Variants in ABCD2 observed in about 807,000 individuals in gnomAD.
ABCD2 encodes the protein ATP binding cassette subfamily D member 2, also known as ATP-binding cassette sub-family D member 2.
In ABCD2, 36 loss-of-function variants were observed where a neutral mutation model predicts 70.9. The observed-to-expected ratio is 0.51, with a 90% CI of 0.39 to 0.67. The LOEUF (loss-of-function observed/expected upper bound fraction) is 0.67, where lower values mean the gene tolerates loss of function less well. Among genes scored for constraint, ABCD2 ranks in the 30% least tolerant of loss-of-function variants. The probability of loss-of-function intolerance (pLI) is 0.00; values close to 1 mark genes in which losing one functional copy is unlikely to be tolerated. For missense variants in ABCD2, 729 were observed against 890.2 expected, an observed-to-expected ratio of 0.82 and a Z score of 2.30; for synonymous variants, 304 against 306.9, an observed-to-expected ratio of 0.99 and a Z score of 0.10.
the ABCD2 span, among the ~76,000 whole-genome samples, chr12:39,531,631 T>C: frequency 6.6e-5 from 10 of 152,276 alleles, no homozygotes; most frequent in South Asian, 2.1e-3. Context: ...ATAAAGAAAA[T>C]TTTATGTACA....
intron 5 of ABCD2, among the ~76,000 whole-genome samples, chr12:39,603,461 T>C (rs1288021549): frequency 2.0e-5 from 3 of 152,074 alleles, no homozygotes; most frequent in Non-Finnish European, 4.4e-5. Context: ...TTCTGATTAT[T>C]TTATAATAGT....
rs530636090 is a variant in ABCD2 at position 39,599,301 on chromosome 12, A to C, written c.1646+1270T>G. The stretch of plus-strand genomic sequence containing the variant: ...GATTTTACTTGCATCAAGAGAATAG[A>C]ATTCTATAATAGAAAATTTTCTTCA... On this transcript the variant is annotated intron_variant, in intron 6 of 9. Coordinates refer to ENST00000308666, the MANE Select transcript of ABCD2 (RefSeq NM_005164.4). 3.3e-5 allele frequency among the ~76,000 whole-genome samples: 5 copies of C among 152,326 alleles called. No individual in the cohort carries two copies. The South Asian group carries it at 1.0e-3, about 32-fold the overall frequency.
chr12:39,616,816 A>G (rs1453614571), intron 2 of ABCD2, among the ~76,000 whole-genome samples, 172 bp downstream of exon 2: 1 of 152,044 alleles, frequency 6.6e-6, no homozygotes, highest in Non-Finnish European at 1.5e-5. Flanking sequence ...CTGTCTCCTT[A>G]TTTCATACTG....
In ABCD2 at chr12:39,553,759, G is replaced by T; in HGVS notation, c.*153C>A. The T allele has an allele frequency of 1.6e-6, 1 of 613,818 alleles. No homozygotes were observed. The highest frequency in any genetic ancestry group is 2.8e-6 in the Non-Finnish European group (1 of 357,614). The allele number at this position is 613,818 out of a possible 1,614,324, so 38.0% of individuals were successfully genotyped here. On this transcript the variant is annotated 3_prime_UTR_variant, in exon 10 of 10. Coordinates refer to ENST00000308666, the MANE Select transcript of ABCD2 (RefSeq NM_005164.4). Reference sequence around the variant, plus strand: ...GCATTTGTTTATTTTCTTCTGAAAAGTCAGATCATATACTTCCTTAATGCT... The same window carrying T: ...GCATTTGTTTATTTTCTTCTGAAAATTCAGATCATATACTTCCTTAATGCT...
chr12:39,580,793 T>G (rs917598149), intron 7 of ABCD2, among the ~76,000 whole-genome samples: 1 of 152,212 alleles, frequency 6.6e-6, no homozygotes, highest in African/African-American at 2.4e-5. Context: ...TGTCATCTTT[T>G]TACTTGCTCA....
chr12:39,578,361 C>G (rs1941549209), intron 8 of ABCD2, among the ~76,000 whole-genome samples: 2 of 151,502 alleles, frequency 1.3e-5, no homozygotes, highest in African/African-American at 4.9e-5. Context: ...GTAGTCCCAG[C>G]TACTCAGGAG....
At chr12:39,532,540 A>T in the ABCD2 span, among the ~76,000 whole-genome samples, 1 of 152,322 alleles carries the variant, frequency 6.6e-6, no homozygotes, top group East Asian at 1.9e-4. Context: ...TTTTGGAAGA[A>T]GATCTGGCAA....
chr12:39,600,858 G>T, intron 5 of ABCD2, 142 bp from the exon 6 acceptor site: 2 of 717,168 alleles, frequency 2.8e-6, no homozygotes, highest in Non-Finnish European at 4.5e-6. Context: ...ATATTTCAGG[G>T]TTGAGAACAA....
chr12:39,533,116 G>C, the ABCD2 span, among the ~76,000 whole-genome samples: 9 of 152,002 alleles, frequency 5.9e-5, no homozygotes, highest in Non-Finnish European at 1.0e-4. Context: ...AGTGAGCCGA[G>C]ATCGTGTCAT....
intron 9 of ABCD2, among the ~76,000 whole-genome samples, chr12:39,566,274 T>C (rs1297575752): frequency 6.6e-6 from 1 of 152,212 alleles, no homozygotes; most frequent in East Asian, 1.9e-4. Flanking sequence ...TTTTTTTGGT[T>C]GGTAAGCTAT....
the ABCD2 span, among the ~76,000 whole-genome samples, chr12:39,532,431 C>T: frequency 1.3e-5 from 2 of 152,018 alleles, no homozygotes; most frequent in African/African-American, 4.8e-5. Context: ...TTTTTTTTGC[C>T]AGTTTGATAA....
intron 7 of ABCD2, among the ~76,000 whole-genome samples, chr12:39,581,884 G>T (rs1941601048): frequency 6.6e-6 from 1 of 152,182 alleles, no homozygotes; most frequent in South Asian, 2.1e-4. Context: ...GCAAAGAAGA[G>T]AATGATTTTC....
chr12:39,607,782 A>C, intron 2 of ABCD2, 68 bp from the exon 3 acceptor site: 1 of 982,042 alleles, frequency 1.0e-6, no homozygotes. Context: ...TTAATGTTTT[A>C]TATTATACAA....
chr12:39,531,581 C>G, the ABCD2 span, among the ~76,000 whole-genome samples: 1 of 152,230 alleles, frequency 6.6e-6, no homozygotes, highest in African/African-American at 2.4e-5. Flanking sequence ...AATCTGCTCT[C>G]TCTGGCTGGA....
At chr12:39,576,470 A>T (rs1428273341) in intron 8 of ABCD2, among the ~76,000 whole-genome samples, 1 of 151,976 alleles carries the variant, frequency 6.6e-6, no homozygotes, top group East Asian at 1.9e-4. Context: ...CAAGCTGTAA[A>T]GTTTACTCTT....
intron 3 of ABCD2, 29 bp from the exon 4 acceptor site, chr12:39,604,959 A>G: frequency 6.6e-7 from 1 of 1,519,600 alleles, no homozygotes; most frequent in Non-Finnish European, 8.8e-7. Flanking sequence ...TATAAAATAG[A>G]GTTACTATAT....
At chr12:39,571,521 C>T (rs1941448461) in intron 9 of ABCD2, among the ~76,000 whole-genome samples, 1 of 152,114 alleles carries the variant, frequency 6.6e-6, no homozygotes, top group African/African-American at 2.4e-5. Flanking sequence ...ATATATTGGG[C>T]AAACACCACC....
chr12:39,544,238 G>A, the ABCD2 span, among the ~76,000 whole-genome samples: 2 of 152,086 alleles, frequency 1.3e-5, no homozygotes, highest in African/African-American at 4.8e-5. Context: ...TGGGGGCCAC[G>A]AGATCAGATG....
At chr12:39,572,091 C>A (rs548135055) in intron 9 of ABCD2, among the ~76,000 whole-genome samples, 1 of 152,254 alleles carries the variant, frequency 6.6e-6, no homozygotes, top group South Asian at 2.1e-4. Context: ...AAAGGCATAG[C>A]CTTACAGATT....
Sources: allele counts gnomAD v4.1 joint callset (sites outside exome capture counted in the v4.1 genomes callset), GRCh38; gene constraint gnomAD v4.1.1; transcripts MANE v1.5; gene names NCBI Gene and HGNC (gene_info 2026-07-23, HGNC 2026-07-21).